SLC35A5: variants seen among roughly 807,000 people sequenced by gnomAD.
SLC35A5 encodes UDP-sugar transporter protein SLC35A5.
In SLC35A5, 28 loss-of-function variants were observed where a neutral mutation model predicts 36.3. The observed-to-expected ratio is 0.77, with a 90% confidence interval of 0.57 to 1.06. SLC35A5 has a LOEUF of 1.06. SLC35A5 is among the 50% of genes least tolerant of loss of function. The pLI, the probability that SLC35A5 is intolerant of heterozygous loss-of-function variation, is 0.00. For synonymous variants in SLC35A5, 180 were observed against 173.7 expected, an observed-to-expected ratio of 1.04 and a Z score of -0.29; for missense variants, 521 against 499.3, an observed-to-expected ratio of 1.04 and a Z score of -0.41.
At chr3:112,575,408 C>T (rs1349866240) in intron 5 of SLC35A5, among the ~76,000 whole-genome samples, 3 of 152,062 alleles carry the variant, frequency 2.0e-5, no homozygotes, top group Non-Finnish European at 4.4e-5. Context: ...TTAGTCCTAT[C>T]CTATAATAAG....
chr3:112,567,243 AACAG>A (rs145841019), intron 2 of SLC35A5, among the ~76,000 whole-genome samples: 10,199 of 151,854 alleles, frequency 0.067, 425 homozygotes, highest in Admixed American at 0.12. Context: ...AAAAAACAAA[AACAG>A]ACAAACAAAC....
chr3:112,566,243 G>C (rs1247813066), intron 2 of SLC35A5, among the ~76,000 whole-genome samples: 2 of 152,192 alleles, frequency 1.3e-5, no homozygotes, highest in Non-Finnish European at 2.9e-5. Context: ...GGAAGAGTAG[G>C]TTGGGCAGAG....
chr3:112,583,800 G>C lies in SLC35A5; in HGVS notation c.*1064G>C, dbSNP rs1935041183. On this transcript the variant is annotated 3_prime_UTR_variant, in exon 7 of 7. Coordinates refer to ENST00000492406, the MANE Select transcript of SLC35A5 (RefSeq NM_017945.5). ...GCTACTTCACACTTAAAAGTGCATG[G>C]TATTTTTCATGGTATTTTGCATGCA... 1.3e-5 allele frequency: 2 copies of C among 152,100 alleles called. No homozygotes were observed. Among genetic ancestry groups the C allele is most frequent in the Non-Finnish European group, 1.5e-5 (1 of 67,980 alleles). 9.4% of individuals were successfully genotyped at this position (152,100 alleles called of 1,614,324 possible).
At chr3:112,574,224 G>A (rs1934574748) in intron 5 of SLC35A5, among the ~76,000 whole-genome samples, 1 of 152,172 alleles carries the variant, frequency 6.6e-6, no homozygotes. Context: ...TTCATATTTA[G>A]TGCCAGATTT....
At position 112,565,683 on chromosome 3, in the gene SLC35A5, C is replaced by G. The variant is rs575296216; in HGVS notation, c.130+2150C>G. 1.4e-4 allele frequency among the ~76,000 whole-genome samples: 22 copies of G among 151,960 alleles called. No individual in the cohort carries two copies. The South Asian group carries it at 4.4e-3, about 30-fold the overall frequency. ...ATCCCAGCTATGAGGGAGACTGAAG[C>G]AGGAGAATGAACCCGGGAGGCAGAG... On this transcript the variant is annotated intron_variant, in intron 2 of 6. Coordinates refer to ENST00000492406, the MANE Select transcript of SLC35A5 (RefSeq NM_017945.5).
At chr3:112,563,357 CG>C in intron 1 of SLC35A5, 27 bp from the exon 2 acceptor site, 3 of 1,414,202 alleles carry the variant, frequency 2.1e-6, no homozygotes. Context: ...CCAACAAGGT[CG>C]TTCATGAAAG....
In SLC35A5 at chr3:112,585,444, A is replaced by T. The variant is rs746239262; in HGVS notation, c.*2708A>T. On this transcript the variant is annotated 3_prime_UTR_variant, in exon 7 of 7. Transcript: ENST00000492406. The stretch of plus-strand genomic sequence containing the variant: ...AGGGTTGACAAAATATGTATTGGGT[A>T]CAATGTTCACTGTTTGAGTGATGGG... 2.0e-5 allele frequency: 3 copies of T among 152,200 alleles called. No individual in the cohort carries two copies. Among genetic ancestry groups the T allele is most frequent in the Non-Finnish European group, 4.4e-5 (3 of 68,064 alleles). The allele number at this position is 152,200 out of a possible 1,614,324, so 9.4% of individuals were successfully genotyped here.
chr3:112,567,148 C>A (rs1360472576), intron 2 of SLC35A5, among the ~76,000 whole-genome samples: 1 of 151,928 alleles, frequency 6.6e-6, no homozygotes, highest in South Asian at 2.1e-4. Context: ...ATGACGTGAA[C>A]CTGGGAGGTG....
chr3:112,576,942 CAT>C (rs1319886004), intron 5 of SLC35A5, among the ~76,000 whole-genome samples: 4 of 152,084 alleles, frequency 2.6e-5, no homozygotes, highest in Non-Finnish European at 4.4e-5. Flanking sequence ...AGTTCTATCA[CAT>C]ATTCTTTGTT....
intron 4 of SLC35A5, 27 bp downstream of exon 4, chr3:112,570,697 C>T: frequency 2.0e-6 from 3 of 1,524,410 alleles, no homozygotes; most frequent in African/African-American, 1.4e-5. Context: ...AAGAAAATAC[C>T]ATTGAAAAGA....
intron 5 of SLC35A5, among the ~76,000 whole-genome samples, chr3:112,576,143 G>A (rs953168748): frequency 6.7e-6 from 1 of 150,104 alleles, no homozygotes; most frequent in African/African-American, 2.5e-5. Context: ...TGGCAGTGGG[G>A]GTGGGTACGG....
rs941761681 is a variant in SLC35A5 at position 112,583,900 on chromosome 3, C to G, written c.*1164C>G. ...AATTAGCAAACAAAAGTGACTTGCTCAGGGTCATGCAGCTGGGTGATGATA... is the reference window on the plus strand; with the variant it reads ...AATTAGCAAACAAAAGTGACTTGCTGAGGGTCATGCAGCTGGGTGATGATA... On this transcript the variant is annotated 3_prime_UTR_variant, in exon 7 of 7. Transcript: ENST00000492406. 1 of 152,074 alleles carries G rather than the reference C, an allele frequency of 6.6e-6. No homozygotes were observed. The highest frequency in any genetic ancestry group is 1.5e-5 in the Non-Finnish European group (1 of 67,998). The allele number at this position is 152,074 out of a possible 1,614,324, so 9.4% of individuals were successfully genotyped here. A position where few individuals can be genotyped will look rare whatever the true frequency, so the allele number is the denominator to read the frequency against.
At chr3:112,580,481 T>G in intron 5 of SLC35A5, 65 bp from the exon 6 acceptor site, 5 of 1,484,006 alleles carry the variant, frequency 3.4e-6, no homozygotes, top group Non-Finnish European at 4.5e-6. Flanking sequence ...TGTCTGAGTT[T>G]TCAGTAGAAA....
rs563857204 is a variant in SLC35A5, at chr3:112,583,402, T to C, written c.*666T>C. The C allele has an allele frequency of 7.6e-5, 25 of 328,702 alleles. 1 individual carries two copies. The South Asian group carries it at 3.6e-3, about 47-fold the overall frequency. 20.4% of individuals were successfully genotyped at this position (328,702 alleles called of 1,614,324 possible). ...TAATAATCTTTTGATGTTTTAAACA[T>C]TGGTTCCCTAGTCACCATAGTTACC... On this transcript the variant is annotated 3_prime_UTR_variant, in exon 7 of 7. Transcript: ENST00000492406.
At chr3:112,572,028 C>T (rs983477042) in intron 4 of SLC35A5, among the ~76,000 whole-genome samples, 12 of 145,628 alleles carry the variant, frequency 8.2e-5, no homozygotes, top group Non-Finnish European at 1.0e-4. Context: ...CTGCAAGCTC[C>T]GCTTCCCGGG....
rs1935044880 is a variant in SLC35A5 at position 112,583,903 on chromosome 3, G to A, written c.*1167G>A. 1 of 152,106 alleles carries A rather than the reference G, an allele frequency of 6.6e-6. No homozygotes were observed. The highest frequency in any genetic ancestry group is 2.1e-4 in the South Asian group (1 of 4,826). 9.4% of individuals were successfully genotyped at this position (152,106 alleles called of 1,614,324 possible). A position where few individuals can be genotyped will look rare whatever the true frequency, so the allele number is the denominator to read the frequency against. ...TAGCAAACAAAAGTGACTTGCTCAG[G>A]GTCATGCAGCTGGGTGATGATAGAA... On this transcript the variant is annotated 3_prime_UTR_variant, in exon 7 of 7. Transcript: ENST00000492406.
rs1019273335 is a variant in SLC35A5, at chr3:112,582,933, C to T, written c.*197C>T. 1 of 527,608 alleles carries T rather than the reference C, an allele frequency of 1.9e-6. No individual in the cohort carries two copies. 32.7% of individuals were successfully genotyped at this position (527,608 alleles called of 1,614,324 possible). On this transcript the variant is annotated 3_prime_UTR_variant, in exon 7 of 7. Transcript: ENST00000492406. ...GCTAAGAAATTCTAAAGAACTGATA[C>T]AGGAGTAACAATATGAAGAATTCAT...
chr3:112,569,836 T>A (rs1236413576), intron 3 of SLC35A5, among the ~76,000 whole-genome samples: 1 of 152,194 alleles, frequency 6.6e-6, no homozygotes, highest in African/African-American at 2.4e-5. Context: ...GCGCCTCCGC[T>A]CCCTCCCTCT....
At position 112,563,500 on chromosome 3, in the gene SLC35A5, C is replaced by T. The variant is rs1461099010; in HGVS notation, c.97C>T (p.Arg33Cys). The stretch of plus-strand genomic sequence containing the variant: ...CATATTCATTGCTTTAAGCTCAAGT[C>T]GCATCTTACTAGTGAAGTATTCTGC... ...GAIFIALSSS[R>C]ILLVKYSANE... Residue 33 changes from arginine (R) to cysteine (C), a missense_variant, in exon 2 of 7, where the codon CGC becomes TGC. Physicochemically the swap from Arg to Cys is radical, Grantham distance 180 (BLOSUM62 -3). Coordinates refer to ENST00000492406, the MANE Select transcript of SLC35A5 (RefSeq NM_017945.5). The T allele has an allele frequency of 1.2e-6, 2 of 1,606,376 alleles. No homozygotes were observed. The highest frequency in any genetic ancestry group is 1.7e-6 in the Non-Finnish European group (2 of 1,174,272).
Sources: allele counts gnomAD v4.1 joint callset (sites outside exome capture counted in the v4.1 genomes callset), GRCh38; gene constraint gnomAD v4.1.1; transcripts MANE v1.5; gene names NCBI Gene and HGNC (gene_info 2026-07-23, HGNC 2026-07-21).